Variants in EFNA5 observed in about 807,000 individuals in gnomAD.
EFNA5 encodes the protein ephrin A5, also known as ephrin-A5.
Under a neutral mutation model 22.9 loss-of-function variants are expected in EFNA5, and 5 were observed. The observed-to-expected ratio is 0.22, with a 90% CI of 0.11 to 0.46. The LOEUF (loss-of-function observed/expected upper bound fraction) is 0.46. Among genes scored for constraint, EFNA5 ranks in the 20% least tolerant of loss-of-function variants. EFNA5 has a pLI of 0.99. For synonymous variants in EFNA5, 113 were observed against 112.2 expected (o/e 1.01, Z -0.04); for missense variants, 237 against 293.3 (o/e 0.81, Z 1.40).
chr5:107,487,688 G>T (rs1478151094), intron 1 of EFNA5, among the ~76,000 whole-genome samples: 1 of 152,186 alleles, frequency 6.6e-6, no homozygotes, highest in African/African-American at 2.4e-5. Context: ...TGATAATTTT[G>T]TTCAGCCCTG....
intron 1 of EFNA5, among the ~76,000 whole-genome samples, chr5:107,526,057 G>T (rs1747690559): frequency 6.6e-6 from 1 of 152,130 alleles, no homozygotes; most frequent in Non-Finnish European, 1.5e-5. Context: ...TCAATCAAAA[G>T]AAGACATAAG....
intron 1 of EFNA5, among the ~76,000 whole-genome samples, chr5:107,508,207 TG>T (rs1374435453): frequency 6.6e-6 from 1 of 152,216 alleles, no homozygotes; most frequent in East Asian, 1.9e-4. Context: ...TCTGTGGAAC[TG>T]TGAGCCAAGT....
At chr5:107,639,153 C>T (rs1020622202) in intron 1 of EFNA5, among the ~76,000 whole-genome samples, 1 of 152,160 alleles carries the variant, frequency 6.6e-6, no homozygotes, top group African/African-American at 2.4e-5. Flanking sequence ...CCATACCCAC[C>T]ACACACAGAA....
rs764499773 is a variant in EFNA5 at position 107,670,533 on chromosome 5, G to A, written c.81C>T (p.Ala27=). 5.0e-6 allele frequency: 8 copies of A among 1,587,628 alleles called. No individual in the cohort carries two copies. In the Admixed American group the frequency reaches 5.2e-5, roughly 10 times the overall value. The change falls in exon 1 of 5, where the codon GCC becomes GCT. Residue 27 remains alanine (A), a synonymous_variant. Transcript: ENST00000333274. Reference sequence around the variant, plus strand: ...AGTAGACAGCGTAGCGGTCGGCGACGGCCTTGGAGCCCGGGTCCTGGCTGA... The same window carrying A: ...AGTAGACAGCGTAGCGGTCGGCGACAGCCTTGGAGCCCGGGTCCTGGCTGA... ...CVFSQDPGSK[A]VADRYAVYWN...
At chr5:107,518,272 GA>G (rs60332450) in intron 1 of EFNA5, among the ~76,000 whole-genome samples, 3,061 of 132,262 alleles carry the variant, frequency 0.023, 80 homozygotes, top group African/African-American at 0.069. Flanking sequence ...GCCCCACTCG[GA>G]AAAAAAAAAA....
chr5:107,657,773 C>A (rs780701155), intron 1 of EFNA5, among the ~76,000 whole-genome samples: 1 of 152,018 alleles, frequency 6.6e-6, no homozygotes, highest in Non-Finnish European at 1.5e-5. Context: ...TCAATTAAGT[C>A]AGTCTACTTA....
intron 1 of EFNA5, among the ~76,000 whole-genome samples, chr5:107,441,592 G>A (rs1480938444): frequency 6.6e-6 from 1 of 152,164 alleles, no homozygotes; most frequent in Non-Finnish European, 1.5e-5. Context: ...AAAATTAGGA[G>A]CTGTGGGAGG....
At chr5:107,636,353 C>T (rs557953052) in intron 1 of EFNA5, among the ~76,000 whole-genome samples, 3 of 152,236 alleles carry the variant, frequency 2.0e-5, no homozygotes, top group South Asian at 2.1e-4. Context: ...GCAAGGATGG[C>T]GAACAGAATT....
At chr5:107,456,788 T>C (rs763181079) in intron 1 of EFNA5, among the ~76,000 whole-genome samples, 1 of 152,132 alleles carries the variant, frequency 6.6e-6, no homozygotes, top group Non-Finnish European at 1.5e-5. Flanking sequence ...TTGTTCAATA[T>C]GGCCATAGAA....
chr5:107,670,881 A>C lies in EFNA5; in HGVS notation c.-268T>G. 2.3e-6 allele frequency: 1 copy of C among 428,024 alleles called. No homozygotes were observed. Among genetic ancestry groups the C allele is most frequent in the Non-Finnish European group, 4.2e-6 (1 of 239,956 alleles). 26.5% of individuals were successfully genotyped at this position (428,024 alleles called of 1,614,324 possible). A position where few individuals can be genotyped will look rare whatever the true frequency, so the allele number is the denominator to read the frequency against. ...GGGTTCAGGAGGAAAAAGGAATCAC[A>C]AGATGGAGAGAAGCGTGCGTGTGTG... On this transcript the variant is annotated 5_prime_UTR_variant, in exon 1 of 5. Coordinates refer to ENST00000333274, the MANE Select transcript of EFNA5 (RefSeq NM_001962.3).
Position 107,532,217 on chromosome 5 carries a change from G to A in EFNA5, c.126-104708C>T, listed in dbSNP as rs1014588998. 7.2e-5 allele frequency among the ~76,000 whole-genome samples: 11 copies of A among 152,240 alleles called. No individual in the cohort carries two copies. The South Asian group carries it at 1.0e-3, about 14-fold the overall frequency. On this transcript the variant is annotated intron_variant, in intron 1 of 4. Transcript: ENST00000333274. ...TGGGGTTAAGAGATGAGGCAATGGCGTGTGAACGCTGCATGAGACAATTAT... is the reference window on the plus strand; with the variant it reads ...TGGGGTTAAGAGATGAGGCAATGGCATGTGAACGCTGCATGAGACAATTAT...
chr5:107,568,303 A>T (rs1748704245), intron 1 of EFNA5, among the ~76,000 whole-genome samples: 1 of 152,212 alleles, frequency 6.6e-6, no homozygotes, highest in South Asian at 2.1e-4. Flanking sequence ...AGGGGAAGAA[A>T]AAAAGGAGAA....
rs1456001969 is a variant in EFNA5, at chr5:107,379,111, A to G, written c.*2144T>C. 6.6e-6 allele frequency: 1 copy of G among 152,190 alleles called. No individual in the cohort carries two copies. Among genetic ancestry groups the G allele is most frequent in the Admixed American group, 6.5e-5 (1 of 15,286 alleles). 9.4% of individuals were successfully genotyped at this position (152,190 alleles called of 1,614,324 possible). A position where few individuals can be genotyped will look rare whatever the true frequency, so the allele number is the denominator to read the frequency against. On this transcript the variant is annotated 3_prime_UTR_variant, in exon 5 of 5. Transcript: ENST00000333274. ...GGTGAAATGGTGGCTGCCTTCTGTG[A>G]TAAGACTCTGCCACTCCAGAGGAGT...
chr5:107,468,037 T>G (rs892154979), intron 1 of EFNA5, among the ~76,000 whole-genome samples: 1 of 152,214 alleles, frequency 6.6e-6, no homozygotes, highest in South Asian at 2.1e-4. Flanking sequence ...TCACACTTCG[T>G]TTAATGCTCA....
chr5:107,494,096 C>T (rs1746893635), intron 1 of EFNA5, among the ~76,000 whole-genome samples: 2 of 152,248 alleles, frequency 1.3e-5, no homozygotes, highest in East Asian at 1.9e-4. Flanking sequence ...GCAGTCCTCA[C>T]AGCCTTCGCT....
chr5:107,612,816 C>T (rs1749842971), intron 1 of EFNA5, among the ~76,000 whole-genome samples: 1 of 152,128 alleles, frequency 6.6e-6, no homozygotes, highest in African/African-American at 2.4e-5. Flanking sequence ...TATGAGAATA[C>T]ATTTTGTGTT....
At chr5:107,534,066 A>G (rs776821265) in intron 1 of EFNA5, among the ~76,000 whole-genome samples, 1 of 152,236 alleles carries the variant, frequency 6.6e-6, no homozygotes, top group Non-Finnish European at 1.5e-5. Flanking sequence ...ACACAGAAAT[A>G]TCAAATAACA....
At chr5:107,516,530 C>A (rs140063860) in intron 1 of EFNA5, among the ~76,000 whole-genome samples, 104 of 152,306 alleles carry the variant, frequency 6.8e-4, no homozygotes, top group African/African-American at 2.4e-3. Flanking sequence ...ATAACCACTT[C>A]AAGTTATTTT....
At chr5:107,475,195 G>C (rs1172208011) in intron 1 of EFNA5, among the ~76,000 whole-genome samples, 1 of 152,198 alleles carries the variant, frequency 6.6e-6, no homozygotes, top group Non-Finnish European at 1.5e-5. Flanking sequence ...CTCCCTGTAA[G>C]TTATACGATA....
Sources: allele counts gnomAD v4.1 joint callset (sites outside exome capture counted in the v4.1 genomes callset), GRCh38; gene constraint gnomAD v4.1.1; transcripts MANE v1.5; gene names NCBI Gene and HGNC (gene_info 2026-07-23, HGNC 2026-07-21).